The following RYR2 variants were observed in gnomAD, a reference collection of about 807,000 sequenced individuals.
RYR2 encodes the protein cardiac muscle ryanodine receptor-calcium release channel.
RYR2 carries 227 observed loss-of-function variants against 601.1 expected under a neutral mutation model. The ratio of observed to expected loss-of-function variants is 0.38; its 90% CI spans 0.34 to 0.42. The LOEUF (loss-of-function observed/expected upper bound fraction) is 0.42, where lower values mean the gene tolerates loss of function less well. Among genes scored for constraint, RYR2 ranks in the 10% least tolerant of loss-of-function variants. The pLI, the probability that RYR2 is intolerant of heterozygous loss-of-function variation, is 1.00. For synonymous variants in RYR2, 2,223 were observed against 2,175.1 expected, an observed-to-expected ratio of 1.02 and a Z score of -0.61; for missense variants, 4,646 against 6,156.5, an observed-to-expected ratio of 0.75 and a Z score of 8.21.
intron 79 of RYR2, among the ~76,000 whole-genome samples, chr1:237,739,182 G>A (rs910293213): frequency 6.6e-6 from 1 of 152,178 alleles, no homozygotes; most frequent in African/African-American, 2.4e-5. Flanking sequence ...ACTGCTCCTT[G>A]TTGACCATAC....
chr1:237,661,141 A>G (rs1372648875), intron 56 of RYR2, among the ~76,000 whole-genome samples, 194 bp downstream of exon 56: 1 of 152,158 alleles, frequency 6.6e-6, no homozygotes, highest in African/African-American at 2.4e-5. Flanking sequence ...AAGTTACTGG[A>G]CTTTATGTAC....
chr1:237,320,242 T>TAAAA (rs1695502582), intron 2 of RYR2, among the ~76,000 whole-genome samples: 2 of 152,306 alleles, frequency 1.3e-5, no homozygotes, highest in African/African-American at 4.8e-5. Context: ...GAGGTGCATA[T>TAAAA]AATTTATTTA....
chr1:237,120,045 T>G (rs976493625), intron 1 of RYR2, among the ~76,000 whole-genome samples: 3 of 152,246 alleles, frequency 2.0e-5, no homozygotes, highest in African/African-American at 7.2e-5. Context: ...GTTTATTTTA[T>G]GATCTCTGGA....
At chr1:237,606,638 A>C (rs1677159561) in intron 35 of RYR2, among the ~76,000 whole-genome samples, 1 of 152,248 alleles carries the variant, frequency 6.6e-6, no homozygotes, top group African/African-American at 2.4e-5. Flanking sequence ...GGAAACCTAC[A>C]GAATGGGAGA....
intron 4 of RYR2, among the ~76,000 whole-genome samples, chr1:237,360,455 A>C (rs575956913): frequency 7.9e-4 from 121 of 152,340 alleles, no homozygotes; most frequent in African/African-American, 2.7e-3. Context: ...GTGAGAACTT[A>C]TAGTAGCTTA....
intron 1 of RYR2, among the ~76,000 whole-genome samples, chr1:237,196,928 C>T (rs1572169797): frequency 6.6e-6 from 1 of 151,940 alleles, no homozygotes; most frequent in Non-Finnish European, 1.5e-5. Flanking sequence ...TTATTTTGTT[C>T]CTGTTTAAAG....
chr1:237,594,912 T>TTTG (rs1559084298), intron 33 of RYR2, among the ~76,000 whole-genome samples: 1 of 73,266 alleles, frequency 1.4e-5, no homozygotes, highest in African/African-American at 3.7e-5. Flanking sequence ...TTTTTTTTTT[T>TTTG]TTTTTTTTTT....
intron 2 of RYR2, among the ~76,000 whole-genome samples, chr1:237,289,262 T>C (rs1049653748): frequency 6.6e-6 from 1 of 152,116 alleles, no homozygotes; most frequent in Non-Finnish European, 1.5e-5. Flanking sequence ...AAATTAACAA[T>C]GCGAGCCCCC....
intron 1 of RYR2, among the ~76,000 whole-genome samples, chr1:237,232,970 T>C (rs1685157414): frequency 1.3e-5 from 2 of 152,212 alleles, no homozygotes; most frequent in Admixed American, 6.5e-5. Context: ...GAAATTATGC[T>C]TGAATGTGTT....
At chr1:237,561,527 C>T (rs1298159636) in intron 27 of RYR2, among the ~76,000 whole-genome samples, 6 of 152,034 alleles carry the variant, frequency 3.9e-5, no homozygotes, top group South Asian at 4.2e-4. Flanking sequence ...GAAAGGCCAT[C>T]GCTACTAGAA....
chr1:237,577,935 T>C (rs1411692994), intron 29 of RYR2, among the ~76,000 whole-genome samples: 3 of 152,134 alleles, frequency 2.0e-5, no homozygotes, highest in Non-Finnish European at 4.4e-5. Flanking sequence ...CCCAAGTAAC[T>C]TGGATTCCAG....
chr1:237,387,941 G>GTT (rs71561868), intron 9 of RYR2, 146 bp from the exon 10 acceptor site: 1 of 686,982 alleles, frequency 1.5e-6, no homozygotes, highest in Non-Finnish European at 2.5e-6. Context: ...AGCAGGCACT[G>GTT]TCTATCTCTG....
chr1:237,072,834 G>T (rs1188183658), intron 1 of RYR2, among the ~76,000 whole-genome samples: 13 of 151,426 alleles, frequency 8.6e-5, no homozygotes. Context: ...TGTAATCCCA[G>T]CTACTTGGGA....
At chr1:237,618,026 T>A (rs1424092503) in intron 38 of RYR2, among the ~76,000 whole-genome samples, 1 of 152,156 alleles carries the variant, frequency 6.6e-6, no homozygotes, top group African/African-American at 2.4e-5. Flanking sequence ...TTTTCTGGAA[T>A]CTACCTCAGA....
chr1:237,377,076 C>A (rs750792698), intron 7 of RYR2, among the ~76,000 whole-genome samples: 4 of 152,134 alleles, frequency 2.6e-5, no homozygotes, highest in Non-Finnish European at 4.4e-5. Context: ...AAATAAACAT[C>A]GCTTTAAAGC....
chr1:237,055,432 G>A (rs1661868193), intron 1 of RYR2, among the ~76,000 whole-genome samples: 2 of 152,156 alleles, frequency 1.3e-5, no homozygotes, highest in Admixed American at 6.5e-5. Flanking sequence ...GAGCTGAGAA[G>A]CCTATTAGGA....
chr1:237,483,857 G>T (rs1377640034), intron 17 of RYR2, among the ~76,000 whole-genome samples: 1 of 152,114 alleles, frequency 6.6e-6, no homozygotes, highest in Non-Finnish European at 1.5e-5. Flanking sequence ...GACCAAAAAA[G>T]CTCTAACAGG....
chr1:237,569,374 A>C, intron 29 of RYR2, 55 bp downstream of exon 29: 1 of 1,542,850 alleles, frequency 6.5e-7, no homozygotes, highest in Non-Finnish European at 8.8e-7. Context: ...GGAAGCTTTC[A>C]TCCTGAGGCT....
chr1:237,121,522 C>T (rs986172936), intron 1 of RYR2, among the ~76,000 whole-genome samples: 1 of 152,196 alleles, frequency 6.6e-6, no homozygotes, highest in Non-Finnish European at 1.5e-5. Context: ...CAGTTGGTTT[C>T]CTGATCCAGA....
Sources: allele counts gnomAD v4.1 joint callset (sites outside exome capture counted in the v4.1 genomes callset), GRCh38; gene constraint gnomAD v4.1.1; transcripts MANE v1.5; gene names NCBI Gene and HGNC (gene_info 2026-07-23, HGNC 2026-07-21).